PRPF3: variants seen among roughly 807,000 people sequenced by gnomAD.
PRPF3 encodes U4/U6 small nuclear ribonucleoprotein Prp3.
PRPF3 carries 3 observed loss-of-function variants against 89.2 expected under a neutral mutation model. The ratio of observed to expected loss-of-function variants is 0.03; its 90% confidence interval spans 0.02 to 0.09. The LOEUF (loss-of-function observed/expected upper bound fraction) is 0.09, where lower values mean the gene tolerates loss of function less well. Among genes scored for constraint, PRPF3 ranks in the 10% least tolerant of loss-of-function variants. The pLI is 1.00. For missense variants in PRPF3, 463 were observed against 828.8 expected, an observed-to-expected ratio of 0.56 and a Z score of 5.42; for synonymous variants, 270 against 289.1, an observed-to-expected ratio of 0.93 and a Z score of 0.67.
intron 7 of PRPF3, among the ~76,000 whole-genome samples, chr1:150,335,755 GCC>G (rs1656907444): frequency 9.1e-6 from 1 of 109,956 alleles, no homozygotes; most frequent in Non-Finnish European, 1.7e-5. Context: ...GTGAGCCACC[GCC>G]CCCGCCTTTT....
intron 14 of PRPF3, among the ~76,000 whole-genome samples, chr1:150,347,615 C>T (rs1553873275): frequency 6.6e-6 from 1 of 151,888 alleles, no homozygotes; most frequent in African/African-American, 2.4e-5. Context: ...GTAATCCCAG[C>T]TACTCGGGAG....
rs1422243841 is a variant in PRPF3, at chr1:150,326,507, G to A, written c.276+626G>A. The stretch of plus-strand genomic sequence containing the variant: ...CCTCTTTCAGTATTAGCAGTATCAA[G>A]TAGCCTATTTTTCTACTCATTTCCC... On this transcript the variant is annotated intron_variant, in intron 3 of 15. Transcript: ENST00000324862. Among the ~76,000 whole-genome samples the A allele has an allele frequency of 8.9e-4, 135 of 151,970 alleles. 1 individual carries two copies. The highest frequency in any genetic ancestry group is 2.9e-4 in the Non-Finnish European group (20 of 67,996).
At chr1:150,325,298 T>C (rs1268166669) in intron 2 of PRPF3, among the ~76,000 whole-genome samples, 1 of 152,208 alleles carries the variant, frequency 6.6e-6, no homozygotes, top group Non-Finnish European at 1.5e-5. Flanking sequence ...AGATTTTAAA[T>C]CTTCGTTTGG....
chr1:150,347,213 G>A (rs587770645), intron 14 of PRPF3, among the ~76,000 whole-genome samples: 125 of 150,730 alleles, frequency 8.3e-4, no homozygotes, highest in Middle Eastern at 3.4e-3. Context: ...GGTCAAAAAA[G>A]CTCTGCTTTG....
intron 6 of PRPF3, among the ~76,000 whole-genome samples, chr1:150,334,021 T>C (rs1553866514): frequency 1.3e-5 from 2 of 152,080 alleles, no homozygotes; most frequent in African/African-American, 4.8e-5. Context: ...CAAGATACTA[T>C]TGGCAGGGCG....
chr1:150,346,626 G>A (rs1181314797), intron 14 of PRPF3, 135 bp downstream of exon 14: 7 of 890,244 alleles, frequency 7.9e-6, no homozygotes, highest in East Asian at 2.5e-5. Context: ...AGAAAGACCC[G>A]TTTAGACTTT....
intron 4 of PRPF3, among the ~76,000 whole-genome samples, chr1:150,332,185 C>T (rs1295397307): frequency 6.6e-6 from 1 of 151,276 alleles, no homozygotes; most frequent in Admixed American, 6.6e-5. Context: ...GATCGCACCA[C>T]TGCACTCCAG....
chr1:150,343,228 TGA>T, intron 9 of PRPF3, 79 bp from the exon 10 acceptor site: 1 of 799,506 alleles, frequency 1.3e-6, no homozygotes, highest in South Asian at 3.8e-5. Flanking sequence ...GGTGACAGAG[TGA>T]GAGAGAGAAA....
intron 7 of PRPF3, among the ~76,000 whole-genome samples, chr1:150,337,708 G>A (rs1449662916): frequency 2.0e-5 from 3 of 151,226 alleles, no homozygotes; most frequent in Admixed American, 6.6e-5. Context: ...AACCCGGGAG[G>A]TGGAGCTTAC....
chr1:150,330,502 T>G (rs1553865140), intron 4 of PRPF3: 1 of 148,812 alleles, frequency 6.7e-6, no homozygotes, highest in Non-Finnish European at 1.5e-5. Context: ...ACTACAGGTA[T>G]GTACCACCAT....
intron 7 of PRPF3, among the ~76,000 whole-genome samples, 182 bp downstream of exon 7, chr1:150,335,423 G>A (rs1191056161): frequency 1.3e-5 from 2 of 152,114 alleles, no homozygotes; most frequent in African/African-American, 4.8e-5. Flanking sequence ...AGTAAGGATG[G>A]TTTCGTGATG....
chr1:150,328,129 T>C (rs1239750661), intron 3 of PRPF3, 191 bp from the exon 4 acceptor site: 1 of 604,664 alleles, frequency 1.7e-6, no homozygotes, highest in Non-Finnish European at 2.9e-6. Flanking sequence ...TTTGTTTGAC[T>C]GGATTAGGAG....
Position 150,334,939 on chromosome 1 carries a change from G to A in PRPF3, c.733G>A (p.Val245Met), listed in dbSNP as rs1656810771. 6.2e-7 allele frequency: 1 copy of A among 1,613,944 alleles called. No homozygotes were observed. Among genetic ancestry groups the A allele is most frequent in the Non-Finnish European group, 8.5e-7 (1 of 1,179,990 alleles). The change falls in exon 7 of 16, where the codon GTG becomes ATG. Residue 245 changes from valine (V) to methionine (M), a missense_variant. Physicochemically the swap from Val to Met is conservative, Grantham distance 21 (BLOSUM62 1). Coordinates refer to ENST00000324862, the MANE Select transcript of PRPF3 (RefSeq NM_004698.4). ...LHAMGIAPPKVELKDQTKPTP... is the reference protein window; with the variant it reads ...LHAMGIAPPKMELKDQTKPTP... ...TCTTTGCGGGCTATTTTTCAGGAAG[G>A]TGGAGTTAAAAGACCAAACGAAACC...
At chr1:150,341,418 T>A (rs1055625761) in intron 9 of PRPF3, among the ~76,000 whole-genome samples, 133 of 149,410 alleles carry the variant, frequency 8.9e-4, no homozygotes, top group Non-Finnish European at 1.5e-3. Context: ...TTTTTTTTTT[T>A]TTTTGAGGAG....
At chr1:150,344,077 T>C in intron 10 of PRPF3, 85 bp from the exon 11 acceptor site, 2 of 1,158,464 alleles carry the variant, frequency 1.7e-6, no homozygotes, top group Admixed American at 3.6e-5. Context: ...AGGTAAATAA[T>C]ATGAATTGGT....
chr1:150,343,549 G>C, intron 10 of PRPF3, 97 bp downstream of exon 10: 1 of 1,491,506 alleles, frequency 6.7e-7, no homozygotes, highest in Non-Finnish European at 9.2e-7. Flanking sequence ...AGTGATTTCT[G>C]TTTCTAAGAA....
At chr1:150,341,105 CAAAAAAAAAAAA>C (rs71086503) in intron 9 of PRPF3, among the ~76,000 whole-genome samples, 13 of 86,738 alleles carry the variant, frequency 1.5e-4, no homozygotes, top group African/African-American at 4.3e-4. Flanking sequence ...GACCTTGTCT[CAAAAAAAAAAAA>C]AAAAAAAAAA....
intron 8 of PRPF3, among the ~76,000 whole-genome samples, chr1:150,340,170 G>A (rs1251651758): frequency 6.6e-6 from 1 of 152,148 alleles, no homozygotes; most frequent in East Asian, 1.9e-4. Flanking sequence ...AAAAGGTTGA[G>A]AATGATTGCT....
At chr1:150,336,264 C>T (rs1656986478) in intron 7 of PRPF3, among the ~76,000 whole-genome samples, 2 of 152,068 alleles carry the variant, frequency 1.3e-5, no homozygotes, top group South Asian at 4.1e-4. Flanking sequence ...GTACAGTTCA[C>T]AATAGGGTTC....
Sources: gnomAD v4.1 joint callset for allele counts (sites outside exome capture counted in the v4.1 genomes callset) on GRCh38, gnomAD v4.1.1 for gene constraint, MANE v1.5 for transcripts, NCBI Gene and HGNC (gene_info 2026-07-23, HGNC 2026-07-21) for gene names.